TANGO6: variants seen among roughly 807,000 people sequenced by gnomAD.
TANGO6 encodes transport and golgi organization 6 homolog.
TANGO6 carries 90 observed loss-of-function variants against 114.2 expected under a neutral mutation model. The ratio of observed to expected loss-of-function variants is 0.79; its 90% CI spans 0.66 to 0.94. The LOEUF (loss-of-function observed/expected upper bound fraction) is 0.94. TANGO6 is among the 40% of genes least tolerant of loss of function. The probability of loss-of-function intolerance (pLI) is 0.00; values close to 1 mark genes in which losing one functional copy is unlikely to be tolerated. For synonymous variants in TANGO6, 477 were observed against 509.8 expected (o/e 0.94, Z 0.87); for missense variants, 1,274 against 1,315.3 (o/e 0.97, Z 0.49).
At chr16:68,901,035 C>T (rs772043658) in intron 8 of TANGO6, among the ~76,000 whole-genome samples, 20 of 152,126 alleles carry the variant, frequency 1.3e-4, no homozygotes, top group Non-Finnish European at 2.5e-4. Flanking sequence ...ACTCCTTTGT[C>T]GTAGAATTTA....
intron 5 of TANGO6, among the ~76,000 whole-genome samples, chr16:68,877,240 C>T (rs1331909350): frequency 1.3e-5 from 2 of 152,018 alleles, no homozygotes; most frequent in East Asian, 1.9e-4. Context: ...GAGGCTGAGG[C>T]GGGCGGATCA....
chr16:68,940,544 T>A (rs930942941), intron 14 of TANGO6, among the ~76,000 whole-genome samples: 2 of 147,360 alleles, frequency 1.4e-5, no homozygotes, highest in African/African-American at 5.4e-5. Context: ...CTTCTCATCC[T>A]GGTTTGTAGT....
At chr16:69,031,999 G>C (rs1172260609) in intron 16 of TANGO6, among the ~76,000 whole-genome samples, 3 of 151,922 alleles carry the variant, frequency 2.0e-5, no homozygotes, top group Non-Finnish European at 2.9e-5. Context: ...AAGGAAGCAA[G>C]GGGTTGATCC....
chr16:68,867,068 CT>C lies in TANGO6; in HGVS notation c.853-6del. 1.4e-6 allele frequency: 2 copies of C among 1,407,974 alleles called. No homozygotes were observed. The highest frequency in any genetic ancestry group is 1.2e-5 in the South Asian group (1 of 86,004). The allele number at this position is 1,407,974 out of a possible 1,614,324, so 87.2% of individuals were successfully genotyped here. A position where few individuals can be genotyped will look rare whatever the true frequency, so the allele number is the denominator to read the frequency against. ...TGACATTCAGAATTCACACCTTCTTCTTTTTCTCAGTCCTGCACAGATGTGA... is the reference window on the plus strand; with the variant it reads ...TGACATTCAGAATTCACACCTTCTTCTTTTCTCAGTCCTGCACAGATGTGA... On this transcript the variant is annotated splice_polypyrimidine_tract_variant and intron_variant, in intron 3 of 17. Coordinates refer to ENST00000261778, the MANE Select transcript of TANGO6 (RefSeq NM_024562.2).
intron 17 of TANGO6, among the ~76,000 whole-genome samples, chr16:69,053,669 G>C (rs1959988512): frequency 6.6e-6 from 1 of 152,160 alleles, no homozygotes; most frequent in Non-Finnish European, 1.5e-5. Flanking sequence ...TTATGGACTA[G>C]AGGACTTTAT....
chr16:68,850,498 C>T (rs1012025327), intron 1 of TANGO6, among the ~76,000 whole-genome samples: 1 of 152,006 alleles, frequency 6.6e-6, no homozygotes, highest in African/African-American at 2.4e-5. Context: ...CACTACAAAC[C>T]CACTGTTTAA....
chr16:68,928,928 TG>T lies in TANGO6; in HGVS notation c.2643+846del, dbSNP rs1963205444. Reference sequence around the variant, plus strand: ...AGCTGTTTTTTGTTTTGTTTTGTTTTGTTTTTTTGAGACAGGGTCTCGCTCC... The same window carrying T: ...AGCTGTTTTTTGTTTTGTTTTGTTTTTTTTTTTGAGACAGGGTCTCGCTCC... On this transcript the variant is annotated intron_variant, in intron 13 of 17. Coordinates refer to ENST00000261778, the MANE Select transcript of TANGO6 (RefSeq NM_024562.2). Among the ~76,000 whole-genome samples, 5 of 152,252 alleles carry T rather than the reference TG, an allele frequency of 3.3e-5. No homozygotes were observed. The South Asian group carries it at 8.3e-4, about 25-fold the overall frequency.
chr16:69,046,183 C>T (rs1297551503), intron 17 of TANGO6, among the ~76,000 whole-genome samples: 1 of 151,590 alleles, frequency 6.6e-6, no homozygotes, highest in East Asian at 1.9e-4. Flanking sequence ...CTCATGTATA[C>T]AACCCAATAT....
chr16:68,846,668 T>C (rs1281956665), intron 1 of TANGO6: 2 of 90,480 alleles, frequency 2.2e-5, no homozygotes, highest in Non-Finnish European at 4.6e-5. Flanking sequence ...GCTAATTTTC[T>C]TTTTTTTTTT....
intron 14 of TANGO6, among the ~76,000 whole-genome samples, chr16:68,931,238 C>T (rs1041160347): frequency 2.6e-5 from 4 of 152,120 alleles, no homozygotes; most frequent in African/African-American, 4.8e-5. Context: ...CATTACCATG[C>T]GTTGGCAAAT....
chr16:68,998,608 G>A (rs1964013626), intron 15 of TANGO6, among the ~76,000 whole-genome samples: 1 of 151,842 alleles, frequency 6.6e-6, no homozygotes, highest in Non-Finnish European at 1.5e-5. Flanking sequence ...GTGGACAACT[G>A]TAGTCCCAGC....
rs1243529058 is a variant in TANGO6 at position 68,860,254 on chromosome 16, G to T, written c.465G>T (p.Leu155Phe). The T allele has an allele frequency of 6.2e-7, 1 of 1,613,974 alleles. No individual in the cohort carries two copies. The highest frequency in any genetic ancestry group is 2.2e-5 in the East Asian group (1 of 44,874). ...TCGTTTTGCAGTTTGTAGTTACCTT[G>T]GGTATCTGCCCCTATCTCATGCCTG... is the stretch of plus-strand genomic sequence containing the variant. ...VQFVLQFVVTLGICPYLMPGV... is the reference protein window; with the variant it reads ...VQFVLQFVVTFGICPYLMPGV... Residue 155 changes from leucine to phenylalanine, a missense_variant, in exon 2 of 18, where the codon TTG becomes TTT. Physicochemically the swap from Leu to Phe is conservative, Grantham distance 22 (BLOSUM62 0). Around this residue, in one of 5 missense-constraint regions of TANGO6, gnomAD observed 908 missense variants for 910.2 expected, o/e 1.00. Transcript: ENST00000261778.
chr16:68,965,870 T>G (rs1193355796), intron 14 of TANGO6, among the ~76,000 whole-genome samples: 1 of 150,162 alleles, frequency 6.7e-6, no homozygotes, highest in Non-Finnish European at 1.5e-5. Flanking sequence ...ATGAAATATT[T>G]TCTTATAGTT....
At chr16:68,998,009 A>G (rs1024728585) in intron 15 of TANGO6, among the ~76,000 whole-genome samples, 1 of 152,236 alleles carries the variant, frequency 6.6e-6, no homozygotes, top group Non-Finnish European at 1.5e-5. Context: ...CAGAAGGTAT[A>G]ATCTGGAAGA....
chr16:69,031,484 T>C (rs1289379029), intron 16 of TANGO6, among the ~76,000 whole-genome samples: 1 of 151,914 alleles, frequency 6.6e-6, no homozygotes, highest in Non-Finnish European at 1.5e-5. Flanking sequence ...ACAGATCACT[T>C]GAGGAAAGGA....
In TANGO6 at chr16:68,949,560, G is replaced by T. The variant is rs1223198060; in HGVS notation, c.2701+19265G>T. ...CGCTTGAACCCGGGAAGCAGAGGTTGCAGTGAGCCGAGATTGCACCATTGC... is the reference window on the plus strand; with the variant it reads ...CGCTTGAACCCGGGAAGCAGAGGTTTCAGTGAGCCGAGATTGCACCATTGC... On this transcript the variant is annotated intron_variant, in intron 14 of 17. Transcript: ENST00000261778. 3.3e-5 allele frequency among the ~76,000 whole-genome samples: 5 copies of T among 151,948 alleles called. No homozygotes were observed. The East Asian group carries it at 9.7e-4, about 29-fold the overall frequency.
chr16:69,069,546 T>C (rs949018061), intron 17 of TANGO6, among the ~76,000 whole-genome samples: 2 of 152,188 alleles, frequency 1.3e-5, no homozygotes, highest in Non-Finnish European at 2.9e-5. Context: ...GAATCTTTTT[T>C]TCTGCCAGGA....
At chr16:68,956,957 A>G (rs1201985753) in intron 14 of TANGO6, among the ~76,000 whole-genome samples, 1 of 152,178 alleles carries the variant, frequency 6.6e-6, no homozygotes, top group Non-Finnish European at 1.5e-5. Context: ...AGGAAATCTC[A>G]AGCAGGGAAT....
In TANGO6 at chr16:69,022,815, CT is replaced by C. The variant is rs768468870; in HGVS notation, c.2843-8del. 1.3e-6 allele frequency: 2 copies of C among 1,560,392 alleles called. No individual in the cohort carries two copies. Among genetic ancestry groups the C allele is most frequent in the East Asian group, 2.4e-5 (1 of 42,314 alleles). ...TGTTTTAAGGGGTTTTGATTTCTTC[CT>C]TTTTCCTATAGGAGACATGGTCTCA... On this transcript the variant is annotated splice_polypyrimidine_tract_variant and intron_variant, in intron 15 of 17. Transcript: ENST00000261778.
Sources: gnomAD v4.1 joint callset for allele counts (sites outside exome capture counted in the v4.1 genomes callset) on GRCh38, gnomAD v4.1.1 for gene constraint, gnomAD v4.1.1 regional missense constraint, MANE v1.5 for transcripts, NCBI Gene and HGNC (gene_info 2026-07-23, HGNC 2026-07-21) for gene names.